Variants in ADD3 observed in about 807,000 individuals in gnomAD.
ADD3 encodes gamma-adducin.
ADD3 carries 25 observed loss-of-function variants against 80.2 expected under a neutral mutation model. That is an observed-to-expected ratio of 0.31 (90% CI 0.23 to 0.44). ADD3 has a LOEUF of 0.44. ADD3 is among the 20% of genes least tolerant of loss of function. The probability of loss-of-function intolerance (pLI) is 1.00; values close to 1 mark genes in which losing one functional copy is unlikely to be tolerated. For synonymous variants in ADD3, 284 were observed against 289.6 expected (o/e 0.98, Z 0.20); for missense variants, 829 against 847.5 (o/e 0.98, Z 0.27).
intron 1 of ADD3, among the ~76,000 whole-genome samples, chr10:110,023,966 G>A (rs1853984978): frequency 6.6e-6 from 1 of 152,120 alleles, no homozygotes; most frequent in South Asian, 2.1e-4. Flanking sequence ...GGTAAACATT[G>A]GGTACACGTG....
chr10:110,053,247 A>G (rs77956883), intron 1 of ADD3, among the ~76,000 whole-genome samples: 1,731 of 152,134 alleles, frequency 0.011, 23 homozygotes, highest in African/African-American at 0.039. Context: ...TTCACTTTCA[A>G]GTAGATGAAT....
chr10:110,027,258 G>A (rs1854422309), intron 1 of ADD3, among the ~76,000 whole-genome samples: 3 of 152,184 alleles, frequency 2.0e-5, no homozygotes, highest in African/African-American at 7.2e-5. Flanking sequence ...GCTATCAAGA[G>A]TTGTAATCAT....
intron 1 of ADD3, among the ~76,000 whole-genome samples, chr10:110,096,229 T>C (rs1848135970): frequency 6.6e-6 from 1 of 152,206 alleles, no homozygotes. Context: ...GAGCTCCACA[T>C]TCGTTAAGCA....
At chr10:110,060,720 A>G (rs10159979) in intron 1 of ADD3, among the ~76,000 whole-genome samples, 5,999 of 152,296 alleles carry the variant, frequency 0.039, 382 homozygotes, top group African/African-American at 0.13. Flanking sequence ...TATCAACACA[A>G]ATTCATTTTT....
chr10:110,040,182 A>ATT (rs113790056), intron 1 of ADD3, among the ~76,000 whole-genome samples: 4 of 147,396 alleles, frequency 2.7e-5, no homozygotes, highest in African/African-American at 1.0e-4. Context: ...AGTTATTATT[A>ATT]TTTTTTTTTT....
intron 1 of ADD3, among the ~76,000 whole-genome samples, chr10:110,017,175 T>C (rs1853107221): frequency 6.6e-6 from 1 of 152,230 alleles, no homozygotes. Flanking sequence ...AGCACTATGC[T>C]ATATACTGCT....
intron 1 of ADD3, among the ~76,000 whole-genome samples, chr10:110,067,583 T>C (rs1267645610): frequency 6.6e-6 from 1 of 152,226 alleles, no homozygotes; most frequent in African/African-American, 2.4e-5. Context: ...AATCCAGTCA[T>C]TGAGAATTAT....
intron 1 of ADD3, among the ~76,000 whole-genome samples, chr10:110,016,992 A>G (rs7075717): frequency 0.082 from 12,476 of 152,220 alleles, 1,648 homozygotes; most frequent in African/African-American, 0.28. Context: ...ATATTTATAT[A>G]TATTATATGT....
At chr10:110,013,605 A>G (rs1223626626) in intron 1 of ADD3, among the ~76,000 whole-genome samples, 1 of 152,240 alleles carries the variant, frequency 6.6e-6, no homozygotes, top group Admixed American at 6.5e-5. Flanking sequence ...AACAGTGATC[A>G]CAGATACGTT....
chr10:110,076,062 T>C (rs184879633), intron 1 of ADD3, among the ~76,000 whole-genome samples: 154 of 152,348 alleles, frequency 1.0e-3, no homozygotes, highest in Non-Finnish European at 1.4e-3. Flanking sequence ...TTCCTGGTGT[T>C]CTCTCAAATC....
At chr10:110,067,714 A>ATGC (rs1844147071) in intron 1 of ADD3, among the ~76,000 whole-genome samples, 1 of 152,242 alleles carries the variant, frequency 6.6e-6, no homozygotes, top group African/African-American at 2.4e-5. Flanking sequence ...GGCATGGTCC[A>ATGC]CAAGATAAAA....
intron 12 of ADD3, among the ~76,000 whole-genome samples, chr10:110,127,573 T>A (rs1303112454): frequency 6.6e-6 from 1 of 152,216 alleles, no homozygotes; most frequent in African/African-American, 2.4e-5. Flanking sequence ...GCCAAGATCA[T>A]GCCACTGTAC....
At chr10:110,112,360 TC>T (rs1850150849) in intron 2 of ADD3, 3 of 154,424 alleles carry the variant, frequency 1.9e-5, no homozygotes. Context: ...CCTCAGGTGA[TC>T]CACCCGCCTT....
intron 8 of ADD3, among the ~76,000 whole-genome samples, chr10:110,120,641 A>G (rs1851373470): frequency 1.3e-5 from 2 of 152,270 alleles, no homozygotes; most frequent in Admixed American, 1.3e-4. Context: ...TCCCTGAGGA[A>G]TCGCCACACT....
chr10:110,117,422 G>A lies in ADD3; in HGVS notation c.567G>A (p.Leu189=), dbSNP rs1565011955. The A allele has an allele frequency of 1.9e-6, 3 of 1,582,294 alleles. No homozygotes were observed. Among genetic ancestry groups the A allele is most frequent in the Non-Finnish European group, 1.7e-6 (2 of 1,152,002 alleles). Residue 189 remains leucine (L), a splice_region_variant and synonymous_variant, in exon 5 of 15, where the codon TTG becomes TTA. Transcript: ENST00000356080. The part of the protein sequence containing the change: ...LSFSEATASN[L]VKVNIIGEVV... ...TTTCTGAAGCTACAGCCTCCAATTTGGTATAATTTTCCATTCCTGTGTTGC... is the reference window on the plus strand; with the variant it reads ...TTTCTGAAGCTACAGCCTCCAATTTAGTATAATTTTCCATTCCTGTGTTGC...
chr10:110,083,462 G>C (rs1250480851), intron 1 of ADD3, among the ~76,000 whole-genome samples: 2 of 151,980 alleles, frequency 1.3e-5, no homozygotes, highest in African/African-American at 4.8e-5. Context: ...CTTGCAGTGA[G>C]CCGAGATCGC....
At chr10:110,013,980 A>G (rs1296641875) in intron 1 of ADD3, among the ~76,000 whole-genome samples, 2 of 152,234 alleles carry the variant, frequency 1.3e-5, no homozygotes, top group African/African-American at 4.8e-5. Context: ...GGCTCAGCTC[A>G]TCCTGAGCAA....
chr10:110,004,212 T>C (rs923471871), upstream of ADD3, among the ~76,000 whole-genome samples: 1 of 151,872 alleles, frequency 6.6e-6, no homozygotes, highest in Admixed American at 6.6e-5. Context: ...CTAATTTCTT[T>C]TAATTCTCTC....
Position 110,099,390 on chromosome 10 carries a change from C to T in ADD3, c.-29-1235C>T, listed in dbSNP as rs1417009960. 2.0e-5 allele frequency among the ~76,000 whole-genome samples: 3 copies of T among 152,132 alleles called. No homozygotes were observed. The East Asian group carries it at 5.8e-4, about 29-fold the overall frequency. On this transcript the variant is annotated intron_variant, in intron 1 of 14. Coordinates refer to ENST00000356080, the MANE Select transcript of ADD3 (RefSeq NM_016824.5). ...ATATATTCATTCTCAATTAACATTTCCTACCCCTTCTCCCTTCCGTTTCCT... is the reference window on the plus strand; with the variant it reads ...ATATATTCATTCTCAATTAACATTTTCTACCCCTTCTCCCTTCCGTTTCCT...
Sources: gnomAD v4.1 joint callset for allele counts (sites outside exome capture counted in the v4.1 genomes callset) on GRCh38, gnomAD v4.1.1 for gene constraint, MANE v1.5 for transcripts, NCBI Gene and HGNC (gene_info 2026-07-23, HGNC 2026-07-21) for gene names.